Variants in ANO6 observed in about 807,000 individuals in gnomAD.
ANO6 encodes the protein anoctamin-6.
A neutral mutation model predicts 117.5 loss-of-function variants in ANO6; 106 were observed. That is an observed-to-expected ratio of 0.90 (90% CI 0.77 to 1.06). ANO6 has a LOEUF of 1.06. Among genes scored for constraint, ANO6 ranks in the 50% least tolerant of loss-of-function variants. The pLI, the probability that ANO6 is intolerant of heterozygous loss-of-function variation, is 0.00. For missense variants in ANO6, 955 were observed against 1,121.1 expected (o/e 0.85, Z 2.12); for synonymous variants, 367 against 385.1 (o/e 0.95, Z 0.55).
chr12:45,326,118 T>G (rs1940452568), intron 2 of ANO6, among the ~76,000 whole-genome samples: 1 of 152,100 alleles, frequency 6.6e-6, no homozygotes, highest in Non-Finnish European at 1.5e-5. Context: ...CTTACCAGGG[T>G]CTAAAATGTG....
chr12:45,249,497 G>T (rs1373130580), intron 1 of ANO6, among the ~76,000 whole-genome samples: 1 of 152,100 alleles, frequency 6.6e-6, no homozygotes, highest in Non-Finnish European at 1.5e-5. Flanking sequence ...ATTCTAGAAG[G>T]TGCTGTCATG....
At chr12:45,416,468 A>G (rs1943216331) in intron 16 of ANO6, among the ~76,000 whole-genome samples, 1 of 152,244 alleles carries the variant, frequency 6.6e-6, no homozygotes, top group Non-Finnish European at 1.5e-5. Context: ...TATTGTTCCT[A>G]TTAAGTGTAT....
At chr12:45,258,612 C>G (rs998458978) in intron 1 of ANO6, among the ~76,000 whole-genome samples, 2 of 152,138 alleles carry the variant, frequency 1.3e-5, no homozygotes, top group Non-Finnish European at 2.9e-5. Flanking sequence ...ACTGCCTTCC[C>G]TGTACACTGT....
At chr12:45,345,174 T>C (rs1004325431) in intron 3 of ANO6, among the ~76,000 whole-genome samples, 8 of 152,320 alleles carry the variant, frequency 5.3e-5, no homozygotes, top group African/African-American at 1.9e-4. Flanking sequence ...TTTTAAGTAC[T>C]GTACAACCAT....
chr12:45,331,919 T>C (rs1447700263), intron 3 of ANO6, among the ~76,000 whole-genome samples: 3 of 152,092 alleles, frequency 2.0e-5, no homozygotes, highest in Non-Finnish European at 4.4e-5. Flanking sequence ...TACAAGGTCA[T>C]GGAATCTAGT....
intron 8 of ANO6, 38 bp from the exon 9 acceptor site, chr12:45,367,649 TA>T: frequency 6.5e-7 from 1 of 1,547,182 alleles, no homozygotes; most frequent in Non-Finnish European, 8.9e-7. Context: ...CATGCTGCTT[TA>T]AATTTTTTAA....
rs148711812 is a variant in ANO6, at chr12:45,237,966, A to G, written c.70+21575A>G. On this transcript the variant is annotated intron_variant, in intron 1 of 19. Transcript: ENST00000320560. Reference sequence around the variant, plus strand: ...TCTCTTGTAAGTTGGATTCCTAGCTATTTTATTCTCTTTGTAGCAGTTGTG... The same window carrying G: ...TCTCTTGTAAGTTGGATTCCTAGCTGTTTTATTCTCTTTGTAGCAGTTGTG... Among the ~76,000 whole-genome samples the G allele has an allele frequency of 1.4e-3, 212 of 152,000 alleles. 1 individual carries two copies. The highest frequency in any genetic ancestry group is 4.9e-3 in the African/African-American group (205 of 41,446).
chr12:45,354,151 G>C (rs1941352971), intron 7 of ANO6, among the ~76,000 whole-genome samples: 1 of 152,126 alleles, frequency 6.6e-6, no homozygotes, highest in East Asian at 1.9e-4. Context: ...ACCCAGCCTA[G>C]AGGATGAAAA....
chr12:45,286,323 G>T (rs932819350), intron 1 of ANO6, among the ~76,000 whole-genome samples: 1 of 152,088 alleles, frequency 6.6e-6, no homozygotes, highest in African/African-American at 2.4e-5. Flanking sequence ...AACCGTAAAG[G>T]CATTCAGTTA....
At chr12:45,414,780 GA>G (rs1943172482) in intron 16 of ANO6, among the ~76,000 whole-genome samples, 1 of 151,770 alleles carries the variant, frequency 6.6e-6, no homozygotes, top group South Asian at 2.1e-4. Context: ...TTCTTTCTTT[GA>G]AAGACAGGGT....
chr12:45,293,165 TGAA>T (rs1939162358), intron 1 of ANO6, among the ~76,000 whole-genome samples: 2 of 152,212 alleles, frequency 1.3e-5, no homozygotes, highest in African/African-American at 4.8e-5. Context: ...TTTGAGGAAT[TGAA>T]GAGCACTAGT....
intron 1 of ANO6, among the ~76,000 whole-genome samples, chr12:45,236,914 C>T (rs1403969285): frequency 6.6e-6 from 1 of 152,134 alleles, no homozygotes; most frequent in Non-Finnish European, 1.5e-5. Flanking sequence ...TTTTAATGAT[C>T]GCCATTCTAA....
intron 1 of ANO6, among the ~76,000 whole-genome samples, chr12:45,284,704 CT>C (rs1938850752): frequency 6.6e-6 from 1 of 152,182 alleles, no homozygotes; most frequent in African/African-American, 2.4e-5. Context: ...ACCTTAGTGA[CT>C]GTTGTCGTGT....
intron 2 of ANO6, among the ~76,000 whole-genome samples, chr12:45,329,562 G>T (rs2137395362): frequency 6.6e-6 from 1 of 152,194 alleles, no homozygotes; most frequent in South Asian, 2.1e-4. Context: ...GTACAGATGT[G>T]GTTCTCATTC....
intron 1 of ANO6, among the ~76,000 whole-genome samples, chr12:45,247,945 A>G (rs1335644228): frequency 6.6e-6 from 1 of 152,230 alleles, no homozygotes; most frequent in Middle Eastern, 3.2e-3. Flanking sequence ...GAACAGATAC[A>G]ATATGGATAG....
At chr12:45,335,291 C>T (rs921338152) in intron 3 of ANO6, among the ~76,000 whole-genome samples, 1 of 151,750 alleles carries the variant, frequency 6.6e-6, no homozygotes, top group Non-Finnish European at 1.5e-5. Context: ...TTTCAAATAC[C>T]GTGAGACAAC....
chr12:45,342,864 A>C (rs188422661), intron 3 of ANO6, among the ~76,000 whole-genome samples: 92 of 152,244 alleles, frequency 6.0e-4, no homozygotes, highest in African/African-American at 2.0e-3. Context: ...GTTTTTTGGC[A>C]GAGGAGTAAG....
chr12:45,366,328 A>G (rs909848932), intron 8 of ANO6, among the ~76,000 whole-genome samples: 57 of 151,870 alleles, frequency 3.8e-4, no homozygotes, highest in African/African-American at 1.3e-3. Flanking sequence ...TGTTTATGCA[A>G]TTCTCCTTAC....
At chr12:45,336,592 C>G (rs1450349636) in intron 3 of ANO6, among the ~76,000 whole-genome samples, 1 of 152,040 alleles carries the variant, frequency 6.6e-6, no homozygotes, top group Non-Finnish European at 1.5e-5. Context: ...TGTCTGTGGT[C>G]ATGCTGGTAT....
Sources: gnomAD v4.1 joint callset for allele counts (sites outside exome capture counted in the v4.1 genomes callset) on GRCh38, gnomAD v4.1.1 for gene constraint, MANE v1.5 for transcripts, NCBI Gene and HGNC (gene_info 2026-07-23, HGNC 2026-07-21) for gene names.